ASAP1: variants seen among roughly 807,000 people sequenced by gnomAD.
The protein encoded by ASAP1 is arf-GAP with SH3 domain, ANK repeat and PH domain-containing protein 1.
Under a neutral mutation model 145.2 loss-of-function variants are expected in ASAP1, and 43 were observed. That is an observed-to-expected ratio of 0.30 (90% CI 0.23 to 0.38). The LOEUF (loss-of-function observed/expected upper bound fraction) is 0.38, where lower values mean the gene tolerates loss of function less well. Among genes scored for constraint, ASAP1 ranks in the 10% least tolerant of loss-of-function variants. ASAP1 has a pLI of 1.00. For synonymous variants in ASAP1, 546 were observed against 515.5 expected, an observed-to-expected ratio of 1.06 and a Z score of -0.80; for missense variants, 1,018 against 1,355.3, an observed-to-expected ratio of 0.75 and a Z score of 3.91.
At chr8:130,336,049 C>T (rs1825013523) in intron 3 of ASAP1, among the ~76,000 whole-genome samples, 4 of 91,438 alleles carry the variant, frequency 4.4e-5, no homozygotes, top group Admixed American at 4.0e-4. Flanking sequence ...GAAGACTACT[C>T]AACTCCAAAC....
Position 130,219,504 on chromosome 8 carries a change from T to A in ASAP1, c.260-4803A>T, listed in dbSNP as rs117015017. 2.7e-3 allele frequency among the ~76,000 whole-genome samples: 405 copies of A among 152,074 alleles called. 10 individuals are homozygous for A. In the East Asian group the frequency reaches 0.065, roughly 24 times the overall value. On this transcript the variant is annotated intron_variant, in intron 4 of 29. Coordinates refer to ENST00000518721, the MANE Select transcript of ASAP1 (RefSeq NM_018482.4). ...GGTGGGACACTGCCACAGGAATGAG[T>A]GTTTCTGAAGGAGACGGACTGATAA... is the stretch of plus-strand genomic sequence containing the variant.
rs975430674 is a variant in ASAP1 at position 130,358,639 on chromosome 8, C to T, written c.60-496G>A. 1.1e-3 allele frequency among the ~76,000 whole-genome samples: 157 copies of T among 147,224 alleles called. 1 individual carries two copies. Among genetic ancestry groups the T allele is most frequent in the African/African-American group, 3.7e-3 (153 of 41,008 alleles). ...CGGGCGGGCGGGCGGGCGGCGCTCG[C>T]GCTGCAGTCACGGGGCCAAACAAGG... On this transcript the variant is annotated intron_variant, in intron 2 of 29. Transcript: ENST00000518721. The surrounding 1 kb of genome is among the most constrained non-coding windows in gnomAD (Gnocchi z 4.1).
chr8:130,394,974 C>A (rs1828459308), intron 2 of ASAP1, among the ~76,000 whole-genome samples: 1 of 152,216 alleles, frequency 6.6e-6, no homozygotes, highest in African/African-American at 2.4e-5. Context: ...GCCCAGCTTT[C>A]CAATCAAGGT....
chr8:130,066,145 G>A (rs1442913683), intron 27 of ASAP1, among the ~76,000 whole-genome samples: 1 of 152,032 alleles, frequency 6.6e-6, no homozygotes, highest in East Asian at 1.9e-4. Context: ...GAATGACAGA[G>A]GTATTTCCTT....
chr8:130,216,163 T>A (rs982961721), intron 4 of ASAP1, among the ~76,000 whole-genome samples: 4 of 152,186 alleles, frequency 2.6e-5, no homozygotes, highest in African/African-American at 4.8e-5. Flanking sequence ...GAAAAATTCA[T>A]GTGTCCTAAC....
chr8:130,123,955 G>C, intron 18 of ASAP1, 58 bp downstream of exon 18: 1 of 1,317,760 alleles, frequency 7.6e-7, no homozygotes, highest in Non-Finnish European at 1.1e-6. Flanking sequence ...TTTTTTGGAA[G>C]GGTAGAAAAA....
rs6993913 is a variant in ASAP1, at chr8:130,246,088, C to A, written c.187-9094G>T. 3.6e-3 allele frequency among the ~76,000 whole-genome samples: 542 copies of A among 152,038 alleles called. 1 individual carries two copies. The highest frequency in any genetic ancestry group is 0.012 in the African/African-American group (516 of 41,472). The stretch of plus-strand genomic sequence containing the variant: ...GCACACTCCTCTCAATTAATCACTG[C>A]GAGTTGTAAAGGAAGTCTTACAAAG... On this transcript the variant is annotated intron_variant, in intron 3 of 29. Transcript: ENST00000518721.
At chr8:130,258,845 G>GA (rs1419385453) in intron 3 of ASAP1, among the ~76,000 whole-genome samples, 2 of 152,148 alleles carry the variant, frequency 1.3e-5, no homozygotes, top group African/African-American at 2.4e-5. Context: ...CTGATTTGCT[G>GA]ATTTCTTCCC....
chr8:130,110,757 C>G (rs1031506262), intron 24 of ASAP1, among the ~76,000 whole-genome samples: 2 of 152,188 alleles, frequency 1.3e-5, no homozygotes, highest in Non-Finnish European at 2.9e-5. Flanking sequence ...ACACAGCTCC[C>G]ATTTATAACA....
intron 27 of ASAP1, among the ~76,000 whole-genome samples, chr8:130,072,920 C>A (rs910416536): frequency 2.6e-5 from 4 of 151,180 alleles, no homozygotes; most frequent in African/African-American, 9.7e-5. Flanking sequence ...TTCGAGGACA[C>A]CCAACTGGTG....
chr8:130,091,116 C>T (rs772754284), intron 25 of ASAP1, among the ~76,000 whole-genome samples: 2 of 152,194 alleles, frequency 1.3e-5, no homozygotes, highest in Non-Finnish European at 2.9e-5. Flanking sequence ...AAATGATTAA[C>T]AAGCTGACTC....
chr8:130,303,919 T>C (rs1822829548), intron 3 of ASAP1, among the ~76,000 whole-genome samples: 1 of 152,156 alleles, frequency 6.6e-6, no homozygotes, highest in African/African-American at 2.4e-5. Context: ...GAACTTACAT[T>C]AGTGTGGCAC....
At chr8:130,246,698 G>T (rs868792127) in intron 3 of ASAP1, among the ~76,000 whole-genome samples, 1 of 152,158 alleles carries the variant, frequency 6.6e-6, no homozygotes, top group Non-Finnish European at 1.5e-5. Flanking sequence ...CTTTATACCA[G>T]TGTGAAAACA....
intron 3 of ASAP1, among the ~76,000 whole-genome samples, chr8:130,293,439 A>C (rs958749574): frequency 6.6e-6 from 1 of 152,216 alleles, no homozygotes; most frequent in Non-Finnish European, 1.5e-5. Context: ...TGCCCCAGCA[A>C]ACCACTTCCT....
intron 2 of ASAP1, among the ~76,000 whole-genome samples, chr8:130,385,884 C>G (rs1448403502): frequency 6.6e-6 from 1 of 152,238 alleles, no homozygotes; most frequent in Non-Finnish European, 1.5e-5. Flanking sequence ...GGAGTCCCCC[C>G]ACATCCTTTG....
chr8:130,278,454 G>A (rs1821055153), intron 3 of ASAP1, among the ~76,000 whole-genome samples: 2 of 152,154 alleles, frequency 1.3e-5, no homozygotes, highest in Admixed American at 6.5e-5. Context: ...CAGCGTCAGG[G>A]TGGAAACAAA....
rs1252931447 is a variant in ASAP1, at chr8:130,358,125, A to T, written c.78T>A (p.Ser26=). 2 of 1,607,806 alleles carry T rather than the reference A, an allele frequency of 1.2e-6. No individual in the cohort carries two copies. Among genetic ancestry groups the T allele is most frequent in the South Asian group, 2.2e-5 (2 of 90,318 alleles). ...SLWNRMPDQI[S]VSEFIAETTE... ...TGGTCTCGGCGATGAACTCCGAGAC[A>T]GAGATCTGGTCCGGCATCCTGCCGG... Residue 26 remains serine (S), a synonymous_variant, in exon 3 of 30, where the codon TCT becomes TCA. Coordinates refer to ENST00000518721, the MANE Select transcript of ASAP1 (RefSeq NM_018482.4). This position sits in a 1 kb window ranked among gnomAD's most constrained non-coding sequence, Gnocchi z 4.1.
chr8:130,060,585 G>T lies in ASAP1; in HGVS notation c.3186C>A (p.Ile1062=). 1 of 1,609,396 alleles carries T rather than the reference G, an allele frequency of 6.2e-7. No homozygotes were observed. The highest frequency in any genetic ancestry group is 1.1e-5 in the South Asian group (1 of 90,388). ...TGAACATTGTCCCACCCACCGTATT[G>T]ATTTTTCTGGGCAGTGGTACGGGCG... The part of the protein sequence containing the change: ...PETPVPLPRK[I]NTGKNKVRRV... The change falls in exon 28 of 30, where the codon ATC becomes ATA. Residue 1062 remains isoleucine, a synonymous_variant. Transcript: ENST00000518721.
rs574037190 is a variant in ASAP1 at position 130,385,507 on chromosome 8, C to T, written c.59+16378G>A. On this transcript the variant is annotated intron_variant, in intron 2 of 29. Coordinates refer to ENST00000518721, the MANE Select transcript of ASAP1 (RefSeq NM_018482.4). ...TTTCCCAATTTTGTGGCTCAGCGCCCGAGGTGGGGGCGTGCCCAAGAGAGT... is the reference window on the plus strand; with the variant it reads ...TTTCCCAATTTTGTGGCTCAGCGCCTGAGGTGGGGGCGTGCCCAAGAGAGT... 6.6e-5 allele frequency among the ~76,000 whole-genome samples: 10 copies of T among 152,270 alleles called. No homozygotes were observed. In the East Asian group the frequency reaches 1.2e-3, roughly 18 times the overall value.
Sources: allele counts gnomAD v4.1 joint callset (sites outside exome capture counted in the v4.1 genomes callset), GRCh38; gene constraint gnomAD v4.1.1; non-coding constraint Gnocchi (gnomAD v3.1); transcripts MANE v1.5; gene names NCBI Gene and HGNC (gene_info 2026-07-23, HGNC 2026-07-21).